The following RIC8B variants were observed in gnomAD, a reference collection of about 807,000 sequenced individuals.
RIC8B encodes the protein RIC8 guanine nucleotide exchange factor B, also known as chaperone Ric-8B.
In RIC8B, 16 loss-of-function variants were observed where a neutral mutation model predicts 57.5. The observed-to-expected ratio is 0.28, with a 90% confidence interval of 0.19 to 0.42. RIC8B has a LOEUF of 0.42. RIC8B is among the 10% of genes least tolerant of loss of function. The pLI, the probability that RIC8B is intolerant of heterozygous loss-of-function variation, is 1.00. For synonymous variants in RIC8B, 216 were observed against 250.8 expected (o/e 0.86, Z 1.31); for missense variants, 481 against 677.0 (o/e 0.71, Z 3.21).
At position 106,879,635 on chromosome 12, in the gene RIC8B, C is replaced by G. The variant is rs1950835285; in HGVS notation, c.1572-6269C>G. ...ATTTTTTTGGTTTCCATTAGCAGTC[C>G]CAAGGGTTAGGCTGGGGCAAAATAG... On this transcript the variant is annotated intron_variant, in intron 9 of 9. Transcript: ENST00000392837. This position sits in a 1 kb window ranked among gnomAD's most constrained non-coding sequence, Gnocchi z 4.9. 2.0e-6 allele frequency: 2 copies of G among 985,110 alleles called. 1 individual carries two copies. Among genetic ancestry groups the G allele is most frequent in the South Asian group, 9.4e-5 (2 of 21,280 alleles). The allele number at this position is 985,110 out of a possible 1,614,324, so 61.0% of individuals were successfully genotyped here.
At chr12:106,837,634 C>CTTTTTTTTTT (rs1298629651) in intron 4 of RIC8B, among the ~76,000 whole-genome samples, 2 of 122,164 alleles carry the variant, frequency 1.6e-5, no homozygotes, top group Admixed American at 8.3e-5. Context: ...ATCTGAAAAT[C>CTTTTTTTTTT]TTTTGTTTTT....
intron 9 of RIC8B, among the ~76,000 whole-genome samples, chr12:106,880,259 G>C (rs1348109186): frequency 1.3e-5 from 2 of 152,142 alleles, no homozygotes; most frequent in African/African-American, 4.8e-5. Flanking sequence ...AATTTGGTAG[G>C]ATGCTGTGTT....
At chr12:106,868,122 A>C (rs73200075) in intron 8 of RIC8B, among the ~76,000 whole-genome samples, 5,482 of 152,308 alleles carry the variant, frequency 0.036, 124 homozygotes, top group South Asian at 0.073. Context: ...GAAAACCATC[A>C]AACTGTGTCC....
At chr12:106,880,490 A>T (rs574028505) in intron 9 of RIC8B, among the ~76,000 whole-genome samples, 3 of 152,124 alleles carry the variant, frequency 2.0e-5, no homozygotes, top group Non-Finnish European at 4.4e-5. Context: ...GACCTGCCCA[A>T]GGACACCTAG....
intron 1 of RIC8B, chr12:106,775,247 T>C (rs1428885174): frequency 1.4e-5 from 6 of 432,686 alleles, no homozygotes; most frequent in Non-Finnish European, 2.3e-5. Context: ...TCAGCAACGA[T>C]GGCAGTTTCT....
intron 2 of RIC8B, among the ~76,000 whole-genome samples, chr12:106,791,877 C>T (rs2044272953): frequency 6.6e-6 from 1 of 152,184 alleles, no homozygotes; most frequent in Non-Finnish European, 1.5e-5. Flanking sequence ...TGAATCCATG[C>T]TTTGGAATAG....
intron 1 of RIC8B, among the ~76,000 whole-genome samples, chr12:106,776,105 C>CCA (rs1364469639): frequency 6.6e-6 from 1 of 152,214 alleles, no homozygotes; most frequent in African/African-American, 2.4e-5. Context: ...GGTCCCAAGT[C>CCA]CACACAGCCA....
chr12:106,804,599 C>T (rs549428540), intron 2 of RIC8B, among the ~76,000 whole-genome samples: 1 of 152,282 alleles, frequency 6.6e-6, no homozygotes, highest in South Asian at 2.1e-4. Context: ...GCTTTAATAA[C>T]CTATTAAATG....
At chr12:106,792,494 G>C (rs988526492) in intron 2 of RIC8B, among the ~76,000 whole-genome samples, 1 of 152,136 alleles carries the variant, frequency 6.6e-6, no homozygotes, top group Non-Finnish European at 1.5e-5. Context: ...AAGAAGTTCC[G>C]CTTCCAGCCA....
rs868247283 is a variant in RIC8B, at chr12:106,785,813, C to G, written c.132+1769C>G. Among the ~76,000 whole-genome samples the G allele has an allele frequency of 2.3e-3, 285 of 123,938 alleles. 2 individuals carry two copies. The highest frequency in any genetic ancestry group is 7.9e-3 in the Middle Eastern group (2 of 254). The allele number at this position is 123,938 out of a possible 152,430, so 81.3% of individuals were successfully genotyped here. ...TCTCTCTCTCTCTCTCTCTCTCTCTCTGTGTGTGTGTGTGTGTGTGTGTGT... is the reference window on the plus strand; with the variant it reads ...TCTCTCTCTCTCTCTCTCTCTCTCTGTGTGTGTGTGTGTGTGTGTGTGTGT... On this transcript the variant is annotated intron_variant, in intron 2 of 9. Coordinates refer to ENST00000392837, the MANE Select transcript of RIC8B (RefSeq NM_001330145.2).
intron 2 of RIC8B, among the ~76,000 whole-genome samples, chr12:106,809,165 G>A (rs909624786): frequency 9.9e-5 from 15 of 152,170 alleles, no homozygotes; most frequent in Admixed American, 5.9e-4. Context: ...CAGATGATCC[G>A]GATTGAGTCC....
chr12:106,818,311 C>T (rs1317099275), intron 3 of RIC8B, among the ~76,000 whole-genome samples: 5 of 151,956 alleles, frequency 3.3e-5, no homozygotes, highest in African/African-American at 9.7e-5. Context: ...GGATTACAGG[C>T]GTGCGCCACC....
At chr12:106,874,690 C>G in intron 9 of RIC8B, 1 of 671,206 alleles carries the variant, frequency 1.5e-6, no homozygotes. Context: ...CCATGCTGGA[C>G]ATAGCCGCTG....
At chr12:106,784,116 T>A in intron 2 of RIC8B, 72 bp downstream of exon 2, 3 of 1,337,872 alleles carry the variant, frequency 2.2e-6, no homozygotes, top group Non-Finnish European at 3.2e-6. Flanking sequence ...TAAGCAGTGG[T>A]CATGTTTTCA....
rs559888217 is a variant in RIC8B, at chr12:106,808,475, A to G, written c.133-6221A>G. ...ATGTGGTCTAGAACAGTGCTTCTCAAATTATTTGAGATGAAGGATCAAGGT... is the reference window on the plus strand; with the variant it reads ...ATGTGGTCTAGAACAGTGCTTCTCAGATTATTTGAGATGAAGGATCAAGGT... On this transcript the variant is annotated intron_variant, in intron 2 of 9. Transcript: ENST00000392837. Among the ~76,000 whole-genome samples the G allele has an allele frequency of 4.6e-5, 7 of 152,358 alleles. No individual in the cohort carries two copies. In the South Asian group the frequency reaches 1.4e-3, roughly 32 times the overall value.
chr12:106,862,939 A>C (rs1450708049), intron 8 of RIC8B, among the ~76,000 whole-genome samples: 1 of 152,136 alleles, frequency 6.6e-6, no homozygotes, highest in African/African-American at 2.4e-5. Flanking sequence ...ATTGAGTTAC[A>C]TGCCACATAA....
At chr12:106,791,954 T>C (rs934423183) in intron 2 of RIC8B, among the ~76,000 whole-genome samples, 2 of 152,208 alleles carry the variant, frequency 1.3e-5, no homozygotes, top group African/African-American at 2.4e-5. Flanking sequence ...ATTGTCACAC[T>C]CCAGTTTTTA....
In RIC8B at chr12:106,883,032, T is replaced by C. The variant is rs75219293; in HGVS notation, c.1572-2872T>C. On this transcript the variant is annotated intron_variant, in intron 9 of 9. Coordinates refer to ENST00000392837, the MANE Select transcript of RIC8B (RefSeq NM_001330145.2). The stretch of plus-strand genomic sequence containing the variant: ...TGAAAATATTACTTCTGGGTTTAGA[T>C]GAGAAAGTGCTAGATACTTCACACA... 6.8e-3 allele frequency among the ~76,000 whole-genome samples: 1,041 copies of C among 152,276 alleles called. 12 individuals carry two copies. The highest frequency in any genetic ancestry group is 0.024 in the African/African-American group (1,001 of 41,554).
chr12:106,844,869 A>G (rs1000030292), intron 6 of RIC8B, among the ~76,000 whole-genome samples: 1 of 152,220 alleles, frequency 6.6e-6, no homozygotes, highest in Non-Finnish European at 1.5e-5. Flanking sequence ...TTAAACTTTC[A>G]GATTATATCT....
Sources: allele counts gnomAD v4.1 joint callset (sites outside exome capture counted in the v4.1 genomes callset), GRCh38; gene constraint gnomAD v4.1.1; non-coding constraint Gnocchi (gnomAD v3.1); transcripts MANE v1.5; gene names NCBI Gene and HGNC (gene_info 2026-07-23, HGNC 2026-07-21).